TPO: variants seen among roughly 807,000 people sequenced by gnomAD.
TPO encodes thyroid peroxidase.
Under a neutral mutation model 96.9 loss-of-function variants are expected in TPO, and 78 were observed. The observed-to-expected ratio is 0.81, with a 90% confidence interval of 0.67 to 0.97. TPO has a LOEUF of 0.97. Ranked by LOEUF, TPO falls within the 50% of genes least tolerant of loss-of-function variation. The probability of loss-of-function intolerance (pLI) is 0.00; values close to 1 mark genes in which losing one functional copy is unlikely to be tolerated. For synonymous variants in TPO, 547 were observed against 538.0 expected (o/e 1.02, Z -0.23); for missense variants, 1,252 against 1,274.8 (o/e 0.98, Z 0.27).
chr2:1,451,082 A>G (rs1046242736), intron 5 of TPO, among the ~76,000 whole-genome samples: 2 of 152,194 alleles, frequency 1.3e-5, no homozygotes, highest in African/African-American at 4.8e-5. Flanking sequence ...CTGACCACTC[A>G]TCATCCAATG....
chr2:1,509,520 T>C (rs1313222196), intron 14 of TPO, among the ~76,000 whole-genome samples: 2 of 151,214 alleles, frequency 1.3e-5, no homozygotes, highest in Non-Finnish European at 2.9e-5. Context: ...CCACAACCTC[T>C]TGTTTCAGGC....
At chr2:1,509,564 C>A (rs1206049020) in intron 14 of TPO, among the ~76,000 whole-genome samples, 1 of 151,186 alleles carries the variant, frequency 6.6e-6, no homozygotes, top group Non-Finnish European at 1.5e-5. Context: ...GACACCCCAC[C>A]CTCTTCTTTC....
chr2:1,482,936 C>A (rs1488801577), intron 8 of TPO, among the ~76,000 whole-genome samples: 1 of 152,206 alleles, frequency 6.6e-6, no homozygotes, highest in Non-Finnish European at 1.5e-5. Context: ...CCACTTTGGC[C>A]TCCCAAAGTG....
At position 1,516,901 on chromosome 2, in the gene TPO, G is replaced by A. The variant is rs141598673; in HGVS notation, c.2537G>A (p.Arg846Gln). Residue 846 changes from arginine to glutamine, a missense_variant, in exon 15 of 17, where the codon CGG becomes CAG. Physicochemically the swap from Arg to Gln is conservative, Grantham distance 43 (BLOSUM62 1). Coordinates refer to ENST00000329066, the MANE Select transcript of TPO (RefSeq NM_001206744.2). ...RTCVDSGRLP[R>Q]VTWISMSLAA... Reference sequence around the variant, plus strand: ...GCCCCAGACTCCGGGAGGCTCCCTCGGGTGACTTGGATCTCCATGTCGCTG... The same window carrying A: ...GCCCCAGACTCCGGGAGGCTCCCTCAGGTGACTTGGATCTCCATGTCGCTG... 2.6e-5 allele frequency: 42 copies of A among 1,613,890 alleles called. 1 individual carries two copies. The highest frequency in any genetic ancestry group is 6.6e-5 in the South Asian group (6 of 91,086).
chr2:1,457,535 C>A, intron 7 of TPO, among the ~76,000 whole-genome samples: 1 of 116,376 alleles, frequency 8.6e-6, no homozygotes. Flanking sequence ...ACATATATAG[C>A]ATGTATGATC....
chr2:1,481,926 C>T (rs529802831), intron 8 of TPO, among the ~76,000 whole-genome samples: 9 of 152,272 alleles, frequency 5.9e-5, no homozygotes, highest in African/African-American at 1.4e-4. Flanking sequence ...AGCCCAGGTG[C>T]GCCATGCTGC....
chr2:1,440,517 C>T (rs750295184), intron 5 of TPO, among the ~76,000 whole-genome samples: 26 of 152,202 alleles, frequency 1.7e-4, no homozygotes, highest in Non-Finnish European at 2.8e-4. Flanking sequence ...TAGTCGGTGC[C>T]GCAGGAGCTA....
intron 15 of TPO, among the ~76,000 whole-genome samples, chr2:1,535,446 ACT>A (rs200534921): frequency 1.4e-4 from 2 of 14,126 alleles, no homozygotes; most frequent in Non-Finnish European, 1.3e-4. Flanking sequence ...AATCCCCCCC[ACT>A]CTGTGCAACC....
intron 13 of TPO, among the ~76,000 whole-genome samples, chr2:1,497,104 A>G (rs1471101246): frequency 6.6e-6 from 1 of 151,942 alleles, no homozygotes; most frequent in Non-Finnish European, 1.5e-5. Context: ...AAACGTCTCC[A>G]CTCCAGGAAC....
chr2:1,397,017 G>A (rs111747884), intron 1 of TPO, among the ~76,000 whole-genome samples: 577 of 152,110 alleles, frequency 3.8e-3, no homozygotes, highest in African/African-American at 0.013. Context: ...CTTGCTATCC[G>A]TTCCAGACCC....
At chr2:1,418,201 C>G (rs1663126062) in intron 2 of TPO, among the ~76,000 whole-genome samples, 1 of 150,822 alleles carries the variant, frequency 6.6e-6, no homozygotes, top group African/African-American at 2.4e-5. Flanking sequence ...GCACGAGAAT[C>G]AGTTGAACCC....
chr2:1,431,057 G>A (rs995359334), intron 3 of TPO, among the ~76,000 whole-genome samples: 2 of 152,172 alleles, frequency 1.3e-5, no homozygotes, highest in Admixed American at 6.5e-5. Context: ...GGGGGAACGG[G>A]TAGAATAATA....
At chr2:1,459,199 T>C (rs983820228) in intron 7 of TPO, among the ~76,000 whole-genome samples, 1 of 151,864 alleles carries the variant, frequency 6.6e-6, no homozygotes, top group African/African-American at 2.4e-5. Flanking sequence ...TCGCCCAGGC[T>C]GGAGTGCAGT....
intron 1 of TPO, among the ~76,000 whole-genome samples, chr2:1,378,831 C>G (rs1201809208): frequency 6.6e-6 from 1 of 152,164 alleles, no homozygotes. Context: ...ATGTTAAACC[C>G]ATTTGGCAGA....
chr2:1,528,439 C>CACTGTGTGCAACCTCCTCAAATCTCTCA (rs1378200400), intron 15 of TPO, among the ~76,000 whole-genome samples: 1 of 148,536 alleles, frequency 6.7e-6, no homozygotes, highest in Non-Finnish European at 1.5e-5. Flanking sequence ...CAAATCCCCC[C>CACTGTGTGCAACCTCCTCAAATCTCTCA]ACTGTGTGCA....
intron 5 of TPO, chr2:1,439,207 G>A: frequency 4.3e-6 from 1 of 230,456 alleles, no homozygotes; most frequent in Non-Finnish European, 8.5e-6. Flanking sequence ...GCTCCTGGGA[G>A]AATCTCTGCT....
intron 5 of TPO, among the ~76,000 whole-genome samples, chr2:1,437,361 A>C (rs80133847): frequency 6.2e-4 from 95 of 152,308 alleles, no homozygotes; most frequent in Non-Finnish European, 1.0e-3. Flanking sequence ...TCACCGATGC[A>C]GGCAGCAAAG....
chr2:1,477,775 T>G, intron 8 of TPO, 171 bp downstream of exon 8: 1 of 985,428 alleles, frequency 1.0e-6, no homozygotes, highest in Non-Finnish European at 1.2e-6. Context: ...GCAGTCCTGC[T>G]GGGCGCCCTG....
chr2:1,482,227 G>T (rs1013653573), intron 8 of TPO, among the ~76,000 whole-genome samples: 1 of 152,178 alleles, frequency 6.6e-6, no homozygotes, highest in Non-Finnish European at 1.5e-5. Context: ...CTTCGTCCTG[G>T]TCTCCCCGTG....
Sources: allele counts gnomAD v4.1 joint callset (sites outside exome capture counted in the v4.1 genomes callset), GRCh38; gene constraint gnomAD v4.1.1; transcripts MANE v1.5; gene names NCBI Gene and HGNC (gene_info 2026-07-23, HGNC 2026-07-21).